Variants in TNKS2 observed in about 807,000 individuals in gnomAD.
The protein encoded by TNKS2 is tankyrase 2, also known as poly [ADP-ribose] polymerase tankyrase-2.
In TNKS2, 72 loss-of-function variants were observed where a neutral mutation model predicts 137.6. That is an observed-to-expected ratio of 0.52 (90% CI 0.43 to 0.64). The LOEUF is 0.64. TNKS2 is among the 30% of genes least tolerant of loss of function. The pLI, the probability that TNKS2 is intolerant of heterozygous loss-of-function variation, is 0.00. For missense variants in TNKS2, 1,049 were observed against 1,410.2 expected (o/e 0.74, Z 4.10); for synonymous variants, 516 against 512.1 (o/e 1.01, Z -0.10).
In TNKS2 at chr10:91,798,656, T is replaced by A; in HGVS notation, c.-35T>A. The A allele has an allele frequency of 8.2e-7, 1 of 1,218,694 alleles. No homozygotes were observed. The highest frequency in any genetic ancestry group is 1.0e-6 in the Non-Finnish European group (1 of 978,310). The allele number at this position is 1,218,694 out of a possible 1,614,324, so 75.5% of individuals were successfully genotyped here. ...GGGCCGGGGCTCCTGCTCCGGTTGC[T>A]GGCGCTGTTGCTGGCTGTGGCGGCG... On this transcript the variant is annotated 5_prime_UTR_variant, in exon 1 of 27. Coordinates refer to ENST00000371627, the MANE Select transcript of TNKS2 (RefSeq NM_025235.4).
rs960218434 is a variant in TNKS2 at position 91,864,644 on chromosome 10, T to G, written c.*1645T>G. On this transcript the variant is annotated 3_prime_UTR_variant, in exon 27 of 27. Transcript: ENST00000371627. ...GGAGTTGTTTCTGTGATGTAAATTA[T>G]GATCATTATTTAAGAAGTCAAATCC... 1 of 152,678 alleles carries G rather than the reference T, an allele frequency of 6.5e-6. No individual in the cohort carries two copies. The highest frequency in any genetic ancestry group is 2.1e-4 in the South Asian group (1 of 4,834). The allele number at this position is 152,678 out of a possible 1,614,324, so 9.5% of individuals were successfully genotyped here. A position where few individuals can be genotyped will look rare whatever the true frequency, so the allele number is the denominator to read the frequency against.
chr10:91,813,165 C>T lies in TNKS2; in HGVS notation c.382C>T (p.Leu128Phe), dbSNP rs1438358572. 1.9e-6 allele frequency: 3 copies of T among 1,614,160 alleles called. No homozygotes were observed. The highest frequency in any genetic ancestry group is 1.7e-6 in the Non-Finnish European group (2 of 1,180,032). ...TCGAGATAATTGGAATTATACTCCT[C>T]TCCATGAAGCTGCAATTAAAGGAAA... The part of the protein sequence containing the change: ...NARDNWNYTP[L>F]HEAAIKGKID... The change falls in exon 2 of 27, where the codon CTC becomes TTC. Residue 128 changes from leucine to phenylalanine, a missense_variant. Physicochemically the swap from Leu to Phe is conservative, Grantham distance 22. Coordinates refer to ENST00000371627, the MANE Select transcript of TNKS2 (RefSeq NM_025235.4).
In TNKS2 at chr10:91,798,503, C is replaced by T. The variant is rs1239145452; in HGVS notation, c.-188C>T. 7.1e-6 allele frequency: 4 copies of T among 561,982 alleles called. No individual in the cohort carries two copies. The highest frequency in any genetic ancestry group is 2.0e-5 in the African/African-American group (1 of 50,602). The allele number at this position is 561,982 out of a possible 1,614,324, so 34.8% of individuals were successfully genotyped here. On this transcript the variant is annotated 5_prime_UTR_variant, in exon 1 of 27. Transcript: ENST00000371627. ...CCGCCGCCGCGGGGCAGCCGGGGGG[C>T]AGGGAGCCCAGCGAGGGGCGCGCGT... is the stretch of plus-strand genomic sequence containing the variant.
rs1219652904 is a variant in TNKS2, at chr10:91,810,928, T to C, written c.200-2055T>C. Among the ~76,000 whole-genome samples, 58 of 112,458 alleles carry C rather than the reference T, an allele frequency of 5.2e-4. 2 individuals carry two copies. The highest frequency in any genetic ancestry group is 1.9e-3 in the African/African-American group (57 of 29,510). The allele number at this position is 112,458 out of a possible 152,430, so 73.8% of individuals were successfully genotyped here. ...TTTCTCTCTTTTCTTTTCTTTTTTT[T>C]TTTTTTTTTTTTTTTGAGATGGAGT... On this transcript the variant is annotated intron_variant, in intron 1 of 26. Coordinates refer to ENST00000371627, the MANE Select transcript of TNKS2 (RefSeq NM_025235.4).
At chr10:91,836,394 T>C (rs1842019359) in intron 12 of TNKS2, among the ~76,000 whole-genome samples, 1 of 152,166 alleles carries the variant, frequency 6.6e-6, no homozygotes, top group East Asian at 1.9e-4. Context: ...AAGGTAGATG[T>C]TTTCCTTTTC....
intron 25 of TNKS2, 85 bp from the exon 26 acceptor site, chr10:91,861,914 T>C (rs1842863138): frequency 1.6e-6 from 2 of 1,266,290 alleles, no homozygotes; most frequent in Non-Finnish European, 2.1e-6. Flanking sequence ...TAAATAATTT[T>C]TTAAAACTTA....
chr10:91,804,807 A>G (rs1844273683), intron 1 of TNKS2, among the ~76,000 whole-genome samples: 1 of 152,138 alleles, frequency 6.6e-6, no homozygotes, highest in Non-Finnish European at 1.5e-5. Flanking sequence ...CCCAGGCTGG[A>G]GTGCAGTGGT....
At chr10:91,859,735 G>C (rs1842803642) in intron 25 of TNKS2, 87 bp downstream of exon 25, 1 of 1,090,896 alleles carries the variant, frequency 9.2e-7, no homozygotes, top group South Asian at 1.8e-5. Context: ...ATGTTGGACA[G>C]TCTTAGGAAT....
At chr10:91,811,838 T>A (rs1411207511) in intron 1 of TNKS2, among the ~76,000 whole-genome samples, 1 of 152,096 alleles carries the variant, frequency 6.6e-6, no homozygotes, top group Non-Finnish European at 1.5e-5. Context: ...GGCGGGTGGA[T>A]CATGAGGTCA....
At chr10:91,803,157 A>G (rs1376228690) in intron 1 of TNKS2, among the ~76,000 whole-genome samples, 1 of 152,228 alleles carries the variant, frequency 6.6e-6, no homozygotes, top group Non-Finnish European at 1.5e-5. Context: ...TCTCCCTTGT[A>G]TTCTTCGTTC....
chr10:91,808,218 TAAG>T (rs1445339409), intron 1 of TNKS2, among the ~76,000 whole-genome samples: 2 of 151,440 alleles, frequency 1.3e-5, no homozygotes, highest in Admixed American at 6.6e-5. Flanking sequence ...ATAGCCTTCT[TAAG>T]GAGGTGACAT....
chr10:91,812,588 T>C (rs188969633), intron 1 of TNKS2, among the ~76,000 whole-genome samples: 31 of 152,378 alleles, frequency 2.0e-4, no homozygotes, highest in Admixed American at 5.9e-4. Flanking sequence ...GTTTTGTCAC[T>C]GTATCATAAG....
intron 11 of TNKS2, among the ~76,000 whole-genome samples, chr10:91,832,724 A>G (rs1841852453): frequency 6.6e-6 from 1 of 152,126 alleles, no homozygotes; most frequent in African/African-American, 2.4e-5. Flanking sequence ...TTACTGAGGA[A>G]CTTAATTTCT....
intron 21 of TNKS2, among the ~76,000 whole-genome samples, chr10:91,853,831 C>T (rs1842626838): frequency 6.6e-6 from 1 of 152,200 alleles, no homozygotes; most frequent in Non-Finnish European, 1.5e-5. Flanking sequence ...CAGAATAGTG[C>T]TCTTCATCTC....
At chr10:91,843,864 C>T (rs1358933995) in intron 16 of TNKS2, among the ~76,000 whole-genome samples, 1 of 152,198 alleles carries the variant, frequency 6.6e-6, no homozygotes, top group Non-Finnish European at 1.5e-5. Flanking sequence ...TGGTGTTATA[C>T]ATGATTTTTA....
chr10:91,862,209 C>T, intron 26 of TNKS2, 54 bp downstream of exon 26: 2 of 1,387,394 alleles, frequency 1.4e-6, no homozygotes, highest in Non-Finnish European at 1.9e-6. Flanking sequence ...CATACTTTAA[C>T]TTTTTATTAA....
rs200476105 is a variant in TNKS2 at position 91,833,821 on chromosome 10, G to A, written c.1276-32G>A. On this transcript the variant is annotated intron_variant, in intron 11 of 26. Coordinates refer to ENST00000371627, the MANE Select transcript of TNKS2 (RefSeq NM_025235.4). Reference sequence around the variant, plus strand: ...TGTATGGTTTTAAATTTTGCATTGCGGGCTAATTTCAATTTTTTCTGCTTT... The same window carrying A: ...TGTATGGTTTTAAATTTTGCATTGCAGGCTAATTTCAATTTTTTCTGCTTT... 413 of 1,511,204 alleles carry A rather than the reference G, an allele frequency of 2.7e-4. 1 individual carries two copies. The East Asian group carries it at 3.2e-3, about 12-fold the overall frequency. 93.6% of individuals were successfully genotyped at this position (1,511,204 alleles called of 1,614,324 possible). A position where few individuals can be genotyped will look rare whatever the true frequency, so the allele number is the denominator to read the frequency against.
chr10:91,857,721 T>C (rs1842750043), intron 24 of TNKS2, among the ~76,000 whole-genome samples, 191 bp downstream of exon 24: 2 of 152,228 alleles, frequency 1.3e-5, no homozygotes, highest in Admixed American at 1.3e-4. Flanking sequence ...GGATTGTTTT[T>C]AAATAAGATT....
rs1467346097 is a variant in TNKS2, at chr10:91,864,645, G to T, written c.*1646G>T. 1 of 152,546 alleles carries T rather than the reference G, an allele frequency of 6.6e-6. No homozygotes were observed. Among genetic ancestry groups the T allele is most frequent in the Non-Finnish European group, 1.5e-5 (1 of 68,008 alleles). The allele number at this position is 152,546 out of a possible 1,614,324, so 9.4% of individuals were successfully genotyped here. A position where few individuals can be genotyped will look rare whatever the true frequency, so the allele number is the denominator to read the frequency against. On this transcript the variant is annotated 3_prime_UTR_variant, in exon 27 of 27. Transcript: ENST00000371627. ...GAGTTGTTTCTGTGATGTAAATTAT[G>T]ATCATTATTTAAGAAGTCAAATCCT...
Sources: gnomAD v4.1 joint callset for allele counts (sites outside exome capture counted in the v4.1 genomes callset) on GRCh38, gnomAD v4.1.1 for gene constraint, MANE v1.5 for transcripts, NCBI Gene and HGNC (gene_info 2026-07-23, HGNC 2026-07-21) for gene names.